Variants in PLCH1 observed in about 807,000 individuals in gnomAD.
PLCH1 encodes 1-phosphatidylinositol 4,5-bisphosphate phosphodiesterase eta-1.
In PLCH1, 60 loss-of-function variants were observed where a neutral mutation model predicts 126.7. The observed-to-expected ratio is 0.47, with a 90% confidence interval of 0.38 to 0.59. PLCH1 has a LOEUF of 0.59. PLCH1 is among the 20% of genes least tolerant of loss of function. PLCH1 has a pLI of 0.00. For missense variants in PLCH1, 1,723 were observed against 2,040.0 expected, an observed-to-expected ratio of 0.84 and a Z score of 2.99; for synonymous variants, 719 against 734.9, an observed-to-expected ratio of 0.98 and a Z score of 0.35.
At chr3:155,544,171 A>G (rs1459323537) in intron 10 of PLCH1, among the ~76,000 whole-genome samples, 1 of 152,224 alleles carries the variant, frequency 6.6e-6, no homozygotes, top group African/African-American at 2.4e-5. Flanking sequence ...ACATAGGCTC[A>G]AAATAAAAGG....
At chr3:155,499,894 G>C (rs1220256857) in intron 14 of PLCH1, among the ~76,000 whole-genome samples, 2 of 152,046 alleles carry the variant, frequency 1.3e-5, no homozygotes, top group African/African-American at 4.8e-5. Context: ...ACTATTTTAT[G>C]TATACATATT....
intron 1 of PLCH1, among the ~76,000 whole-genome samples, chr3:155,716,523 C>T (rs1172037786): frequency 6.6e-6 from 1 of 152,182 alleles, no homozygotes; most frequent in Non-Finnish European, 1.5e-5. Context: ...GAAGCTTTTA[C>T]TAATGGTGGA....
intron 2 of PLCH1, among the ~76,000 whole-genome samples, chr3:155,641,748 T>C (rs568209901): frequency 3.8e-4 from 58 of 152,280 alleles, no homozygotes; most frequent in African/African-American, 1.3e-3. Flanking sequence ...AAAAAATTTT[T>C]AATTTTTTTT....
intron 12 of PLCH1, among the ~76,000 whole-genome samples, chr3:155,512,589 A>G (rs1309700855): frequency 2.6e-5 from 4 of 152,214 alleles, no homozygotes; most frequent in African/African-American, 9.7e-5. Context: ...GAAGTGTACT[A>G]TGGCCAAGAA....
At chr3:155,717,490 G>C (rs560313005) in intron 1 of PLCH1, among the ~76,000 whole-genome samples, 8 of 152,310 alleles carry the variant, frequency 5.3e-5, no homozygotes, top group African/African-American at 1.9e-4. Context: ...TGATATCTAG[G>C]GGGAGGCTAC....
intron 12 of PLCH1, among the ~76,000 whole-genome samples, chr3:155,505,212 T>A (rs190797722): frequency 7.2e-5 from 11 of 152,322 alleles, no homozygotes; most frequent in Admixed American, 7.2e-4. Context: ...TTGAAATAAT[T>A]CCCTCTGTGA....
chr3:155,730,089 A>C (rs967710937), intron 1 of PLCH1, among the ~76,000 whole-genome samples: 14 of 152,128 alleles, frequency 9.2e-5, no homozygotes, highest in African/African-American at 3.4e-4. Flanking sequence ...TTATTTCTCT[A>C]AAGGCAGCAG....
chr3:155,625,090 A>G (rs867657556), intron 2 of PLCH1, among the ~76,000 whole-genome samples: 1 of 152,228 alleles, frequency 6.6e-6, no homozygotes, highest in African/African-American at 2.4e-5. Context: ...ATAACACCGC[A>G]TATCTACAAC....
chr3:155,688,592 A>G (rs988295265), intron 2 of PLCH1, among the ~76,000 whole-genome samples: 2 of 152,340 alleles, frequency 1.3e-5, no homozygotes, highest in African/African-American at 2.4e-5. Context: ...CCAGGTTCTT[A>G]GGGTCCCTGA....
chr3:155,648,583 C>T (rs1166429828), intron 2 of PLCH1, among the ~76,000 whole-genome samples: 2 of 152,186 alleles, frequency 1.3e-5, no homozygotes, highest in Non-Finnish European at 2.9e-5. Context: ...AAATCGTGAG[C>T]ATCTACTGTG....
At chr3:155,478,626 G>GT (rs1384924871), downstream of PLCH1, among the ~76,000 whole-genome samples, 8 of 151,582 alleles carry the variant, frequency 5.3e-5, no homozygotes, top group South Asian at 2.1e-4. Context: ...TGTGTTTTTT[G>GT]TTTTTTTTAA....
chr3:155,655,145 A>G (rs1233574197), intron 2 of PLCH1, among the ~76,000 whole-genome samples: 3 of 152,152 alleles, frequency 2.0e-5, no homozygotes, highest in Non-Finnish European at 4.4e-5. Flanking sequence ...TCTACCTAAA[A>G]TATTCCCCAG....
intron 2 of PLCH1, among the ~76,000 whole-genome samples, chr3:155,683,452 G>A (rs1744686898): frequency 6.6e-6 from 1 of 152,140 alleles, no homozygotes; most frequent in African/African-American, 2.4e-5. Flanking sequence ...GACCTCGTGG[G>A]CAAGATTTTA....
At chr3:155,490,212 GAACA>G (rs1323801438) in intron 19 of PLCH1, among the ~76,000 whole-genome samples, 3 of 152,138 alleles carry the variant, frequency 2.0e-5, no homozygotes, top group African/African-American at 7.2e-5. Context: ...TGAAATGTAT[GAACA>G]AACAAATTTT....
In PLCH1 at chr3:155,704,205, T is replaced by C. The variant is rs1746488038; in HGVS notation, c.20A>G (p.Glu7Gly). MSYWNL[E>G]KRNCVQYRRH... ...GCGGTACTGCACACAGTTCCTTTTT[T>C]CCAAGTTCCAGTAACTCATTGTCAG... is the stretch of plus-strand genomic sequence containing the variant. The change falls in exon 2 of 23, where the codon GAA becomes GGA. Residue 7 changes from glutamate (E) to glycine (G), a missense_variant. Glu to Gly is a moderately conservative substitution (Grantham distance 98). Transcript: ENST00000460012. 8.1e-7 allele frequency: 1 copy of C among 1,229,390 alleles called. No individual in the cohort carries two copies. The highest frequency in any genetic ancestry group is 3.1e-4 in the Middle Eastern group (1 of 3,206). The allele number at this position is 1,229,390 out of a possible 1,614,324, so 76.2% of individuals were successfully genotyped here.
In PLCH1 at chr3:155,554,215, T is replaced by C. The variant is rs1726515319; in HGVS notation, c.1070-19A>G. On this transcript the variant is annotated intron_variant, in intron 8 of 22. Coordinates refer to ENST00000460012, the MANE Select transcript of PLCH1 (RefSeq NM_014996.4). ...CAGTCAACTGCCAAAAACAGAACTT[T>C]ATATCAACAACCCAAAGTCTCTGGT... is the stretch of plus-strand genomic sequence containing the variant. 1 of 1,609,170 alleles carries C rather than the reference T, an allele frequency of 6.2e-7. No individual in the cohort carries two copies. The highest frequency in any genetic ancestry group is 8.5e-7 in the Non-Finnish European group (1 of 1,177,784).
intron 2 of PLCH1, among the ~76,000 whole-genome samples, chr3:155,653,144 T>C (rs764562732): frequency 1.1e-5 from 1 of 89,868 alleles, no homozygotes; most frequent in African/African-American, 4.7e-5. Flanking sequence ...GATATAGATA[T>C]AGATATAGAT....
At chr3:155,678,289 A>C (rs1303190292) in intron 2 of PLCH1, among the ~76,000 whole-genome samples, 1 of 152,174 alleles carries the variant, frequency 6.6e-6, no homozygotes, top group Non-Finnish European at 1.5e-5. Flanking sequence ...CCACACAAGC[A>C]CATGGCAGGT....
At chr3:155,526,514 ACAC>A (rs1721971288) in intron 10 of PLCH1, among the ~76,000 whole-genome samples, 1 of 151,300 alleles carries the variant, frequency 6.6e-6, no homozygotes, top group Admixed American at 6.6e-5. Context: ...ACACACACAC[ACAC>A]ACACACACAC....
Sources: allele counts gnomAD v4.1 joint callset (sites outside exome capture counted in the v4.1 genomes callset), GRCh38; gene constraint gnomAD v4.1.1; transcripts MANE v1.5; gene names NCBI Gene and HGNC (gene_info 2026-07-23, HGNC 2026-07-21).